Variants in EPB41L4B observed in about 807,000 individuals in gnomAD.
EPB41L4B encodes erythrocyte membrane protein band 4.1 like 4B, also known as band 4.1-like protein 4B.
EPB41L4B carries 30 observed loss-of-function variants against 112.5 expected under a neutral mutation model. The observed-to-expected ratio is 0.27, with a 90% confidence interval of 0.20 to 0.36. The LOEUF (loss-of-function observed/expected upper bound fraction) is 0.36, where lower values mean the gene tolerates loss of function less well. Among genes scored for constraint, EPB41L4B ranks in the 10% least tolerant of loss-of-function variants. The pLI is 1.00. For missense variants in EPB41L4B, 1,024 were observed against 1,133.3 expected (o/e 0.90, Z 1.38); for synonymous variants, 408 against 439.7 (o/e 0.93, Z 0.90).
At chr9:109,263,180 T>C in intron 5 of EPB41L4B, 78 bp from the exon 6 acceptor site, 2 of 1,013,212 alleles carry the variant, frequency 2.0e-6, no homozygotes, top group Non-Finnish European at 1.5e-6. Context: ...AAATCATTTT[T>C]CAAAAGGTAG....
intron 15 of EPB41L4B, chr9:109,241,221 G>A (rs1037145386): frequency 2.0e-6 from 2 of 986,572 alleles, no homozygotes; most frequent in Non-Finnish European, 2.4e-6. Flanking sequence ...TGGGGAAAAT[G>A]AGGTCAATGA....
At chr9:109,222,119 A>G (rs1833595001) in intron 15 of EPB41L4B, among the ~76,000 whole-genome samples, 2 of 152,206 alleles carry the variant, frequency 1.3e-5, no homozygotes, top group African/African-American at 2.4e-5. Context: ...AAAAAGATAT[A>G]TATGCAGGGA....
At chr9:109,282,978 G>A (rs552875024) in intron 1 of EPB41L4B, among the ~76,000 whole-genome samples, 22 of 152,106 alleles carry the variant, frequency 1.4e-4, no homozygotes, top group Non-Finnish European at 2.2e-4. Context: ...CACCGCGCCC[G>A]GCCAAATGAT....
Position 109,251,497 on chromosome 9 carries a change from T to A in EPB41L4B, c.1294A>T (p.Ile432Leu), listed in dbSNP as rs749007207. The stretch of plus-strand genomic sequence containing the variant: ...GACACTCACCAGAGCTGGGCTGCTA[T>A]CACTGGGTTGCTTGCTATAAAGGAA... ...HSTFKASNPV[I>L]AAQLCSKTNP... is the part of the protein sequence containing the mutation. The change falls in exon 13 of 26, where the codon ATA becomes TTA. Residue 432 changes from isoleucine to leucine, a missense_variant. Physicochemically the swap from Ile to Leu is conservative, Grantham distance 5. Transcript: ENST00000374566. The A allele has an allele frequency of 6.2e-7, 1 of 1,614,142 alleles. No individual in the cohort carries two copies. The highest frequency in any genetic ancestry group is 1.7e-5 in the Admixed American group (1 of 60,028).
intron 15 of EPB41L4B, among the ~76,000 whole-genome samples, chr9:109,225,079 A>G (rs1482886531): frequency 1.3e-5 from 2 of 152,232 alleles, no homozygotes; most frequent in Admixed American, 1.3e-4. Context: ...TTGTGTATGT[A>G]TCTTGTCCTC....
chr9:109,291,675 C>T (rs1588215652), intron 1 of EPB41L4B, among the ~76,000 whole-genome samples: 1 of 152,144 alleles, frequency 6.6e-6, no homozygotes, highest in African/African-American at 2.4e-5. Flanking sequence ...GAAGTAAGAA[C>T]AATCTTAGAA....
intron 1 of EPB41L4B, among the ~76,000 whole-genome samples, chr9:109,312,774 G>A (rs1837465427): frequency 6.6e-6 from 1 of 152,116 alleles, no homozygotes; most frequent in Non-Finnish European, 1.5e-5. Context: ...TAAGATCCAG[G>A]CATACAGCCA....
rs1168105300 is a variant in EPB41L4B, at chr9:109,253,509, C to T, written c.1211G>A (p.Arg404Gln). Residue 404 changes from arginine to glutamine, a missense_variant, in exon 12 of 26, where the codon CGA becomes CAA. Coordinates refer to ENST00000374566, the MANE Select transcript of EPB41L4B (RefSeq NM_019114.5). The stretch of plus-strand genomic sequence containing the variant: ...CTTCCTCTCAAAGGTGCTGGTTCTT[C>T]GTAACCTGGAGCCATGTGTAGCTTG... The part of the protein sequence containing the change: ...EYQATHGSRL[R>Q]RTSTFERKPS... 3.1e-6 allele frequency: 5 copies of T among 1,614,062 alleles called. No individual in the cohort carries two copies. Among genetic ancestry groups the T allele is most frequent in the African/African-American group, 1.3e-5 (1 of 75,070 alleles).
At chr9:109,196,967 G>T (rs937415302) in intron 20 of EPB41L4B, among the ~76,000 whole-genome samples, 2 of 152,084 alleles carry the variant, frequency 1.3e-5, no homozygotes, top group African/African-American at 4.8e-5. Context: ...TTCCAGCCTA[G>T]GAACTAGAAA....
intron 9 of EPB41L4B, 124 bp downstream of exon 9, chr9:109,256,012 G>T: frequency 1.8e-6 from 2 of 1,126,034 alleles, no homozygotes; most frequent in Non-Finnish European, 1.3e-6. Flanking sequence ...ACCCACAACA[G>T]CAGCACCGTG....
chr9:109,233,768 G>A (rs188923960), intron 15 of EPB41L4B, among the ~76,000 whole-genome samples: 229 of 152,202 alleles, frequency 1.5e-3, no homozygotes, highest in African/African-American at 5.3e-3. Flanking sequence ...CTGACCTCAG[G>A]CGATCCACCA....
chr9:109,222,186 T>G (rs1356048525), intron 15 of EPB41L4B, among the ~76,000 whole-genome samples: 1 of 152,176 alleles, frequency 6.6e-6, no homozygotes, highest in Non-Finnish European at 1.5e-5. Flanking sequence ...GACCTTCATC[T>G]TATAGCTACT....
chr9:109,182,704 A>T, intron 24 of EPB41L4B, 25 bp downstream of exon 24: 1 of 1,573,428 alleles, frequency 6.4e-7, no homozygotes, highest in Non-Finnish European at 8.7e-7. Flanking sequence ...TTTAAAATGC[A>T]CATCTGTTTT....
intron 15 of EPB41L4B, chr9:109,240,539 G>C (rs1198660237): frequency 2.0e-6 from 2 of 985,086 alleles, no homozygotes; most frequent in Non-Finnish European, 2.4e-6. Flanking sequence ...AACATTTCAG[G>C]TCTATTATTA....
In EPB41L4B at chr9:109,204,560, T is replaced by C. The variant is rs1168976530; in HGVS notation, c.1879-830A>G. Among the ~76,000 whole-genome samples the C allele has an allele frequency of 2.6e-5, 4 of 152,180 alleles. No homozygotes were observed. The East Asian group carries it at 7.7e-4, about 29-fold the overall frequency. Reference sequence around the variant, plus strand: ...AGGCTGGAGTGCAGCAGCACGATCATGGCTCACTGCGGCCTTGACTTCCTG... The same window carrying C: ...AGGCTGGAGTGCAGCAGCACGATCACGGCTCACTGCGGCCTTGACTTCCTG... On this transcript the variant is annotated intron_variant, in intron 18 of 25. Coordinates refer to ENST00000374566, the MANE Select transcript of EPB41L4B (RefSeq NM_019114.5).
intron 22 of EPB41L4B, among the ~76,000 whole-genome samples, chr9:109,191,169 A>C (rs1832447237): frequency 6.6e-6 from 1 of 152,166 alleles, no homozygotes; most frequent in African/African-American, 2.4e-5. Context: ...AGGATTCTGG[A>C]ACAAAGTGAG....
At chr9:109,299,933 A>T (rs1836894155) in intron 1 of EPB41L4B, among the ~76,000 whole-genome samples, 1 of 152,254 alleles carries the variant, frequency 6.6e-6, no homozygotes, top group South Asian at 2.1e-4. Context: ...AGCTATGAAC[A>T]AAGACACACC....
chr9:109,218,385 G>A (rs888138075), intron 15 of EPB41L4B, among the ~76,000 whole-genome samples: 2 of 151,762 alleles, frequency 1.3e-5, no homozygotes, highest in African/African-American at 4.8e-5. Context: ...CTCAGCCTCC[G>A]AAAGTGCTGG....
At chr9:109,183,829 C>G (rs1832154404) in intron 23 of EPB41L4B, among the ~76,000 whole-genome samples, 1 of 152,238 alleles carries the variant, frequency 6.6e-6, no homozygotes, top group South Asian at 2.1e-4. Flanking sequence ...ACTCAATGCT[C>G]TTCAGTGGCT....
Sources: gnomAD v4.1 joint callset for allele counts (sites outside exome capture counted in the v4.1 genomes callset) on GRCh38, gnomAD v4.1.1 for gene constraint, MANE v1.5 for transcripts, NCBI Gene and HGNC (gene_info 2026-07-23, HGNC 2026-07-21) for gene names.